Variants in IFNAR2 observed in about 807,000 individuals in gnomAD.
The protein encoded by IFNAR2 is interferon alpha and beta receptor subunit 2.
Under a neutral mutation model 49.4 loss-of-function variants are expected in IFNAR2, and 30 were observed. That is an observed-to-expected ratio of 0.61 (90% CI 0.45 to 0.82). The LOEUF (loss-of-function observed/expected upper bound fraction) is 0.82. Among genes scored for constraint, IFNAR2 ranks in the 40% least tolerant of loss-of-function variants. IFNAR2 has a pLI of 0.00. For synonymous variants in IFNAR2, 224 were observed against 234.5 expected, an observed-to-expected ratio of 0.96 and a Z score of 0.41; for missense variants, 600 against 622.7, an observed-to-expected ratio of 0.96 and a Z score of 0.39.
In IFNAR2 at chr21:33,230,501, G is replaced by T. The variant is rs1002669019; in HGVS notation, c.-84+285G>T. On this transcript the variant is annotated intron_variant, in intron 1 of 8. Coordinates refer to ENST00000342136, the MANE Select transcript of IFNAR2 (RefSeq NM_001289125.3). The surrounding 1 kb of genome is among the most constrained non-coding windows in gnomAD (Gnocchi z 5.5). ...GTCCGCTTTCGTTGCACCCCTCCGC[G>T]TCCCACCCCACCCCACCAAGGATGC... 6.4e-6 allele frequency: 3 copies of T among 469,730 alleles called. No homozygotes were observed. Among genetic ancestry groups the T allele is most frequent in the Non-Finnish European group, 1.3e-5 (3 of 226,572 alleles). 29.1% of individuals were successfully genotyped at this position (469,730 alleles called of 1,614,324 possible). A position where few individuals can be genotyped will look rare whatever the true frequency, so the allele number is the denominator to read the frequency against.
At chr21:33,236,179 C>T (rs1986437239) in intron 1 of IFNAR2, among the ~76,000 whole-genome samples, 1 of 152,096 alleles carries the variant, frequency 6.6e-6, no homozygotes, top group Non-Finnish European at 1.5e-5. Flanking sequence ...CACAGAGCCA[C>T]CCAAGGGAGC....
At chr21:33,243,828 T>G (rs1987182971) in intron 3 of IFNAR2, 114 bp downstream of exon 3, 5 of 820,048 alleles carry the variant, frequency 6.1e-6, no homozygotes, top group Non-Finnish European at 8.5e-6. Flanking sequence ...ATCTGTTGCC[T>G]GTTTTATTGG....
At chr21:33,259,850 C>T (rs1443767659) in intron 7 of IFNAR2, among the ~76,000 whole-genome samples, 1 of 152,126 alleles carries the variant, frequency 6.6e-6, no homozygotes, top group Non-Finnish European at 1.5e-5. Flanking sequence ...CTATTCATTC[C>T]TTAACCTTCT....
chr21:33,231,131 G>A (rs758749050), intron 1 of IFNAR2, among the ~76,000 whole-genome samples: 19 of 152,134 alleles, frequency 1.2e-4, no homozygotes, highest in Non-Finnish European at 4.4e-5. Flanking sequence ...TTTCCCATGT[G>A]TGCTCACTGG....
intron 3 of IFNAR2, among the ~76,000 whole-genome samples, chr21:33,244,634 G>A (rs1052627548): frequency 6.6e-6 from 1 of 152,158 alleles, no homozygotes; most frequent in Non-Finnish European, 1.5e-5. Flanking sequence ...GGCTGGGATG[G>A]CCTGGGTTAT....
In IFNAR2 at chr21:33,230,065, C is replaced by A. The variant is rs1398882550; in HGVS notation, c.-235C>A. The A allele has an allele frequency of 4.1e-6, 4 of 986,778 alleles. No homozygotes were observed. In the African/African-American group the frequency reaches 7.0e-5, roughly 17 times the overall value. 61.1% of individuals were successfully genotyped at this position (986,778 alleles called of 1,614,324 possible). A position where few individuals can be genotyped will look rare whatever the true frequency, so the allele number is the denominator to read the frequency against. On this transcript the variant is annotated 5_prime_UTR_variant, in exon 1 of 9. Transcript: ENST00000342136. This position sits in a 1 kb window ranked among gnomAD's most constrained non-coding sequence, Gnocchi z 5.5. Reference sequence around the variant, plus strand: ...CGCAGCCCGCGGACCACCACCCGGCCGCACGGGCCGCTTTTGTCCCCCGCC... The same window carrying A: ...CGCAGCCCGCGGACCACCACCCGGCAGCACGGGCCGCTTTTGTCCCCCGCC...
At position 33,263,877 on chromosome 21, in the gene IFNAR2, CAG is replaced by C. The variant is rs1168656204; in HGVS notation, c.*380_*381del. On this transcript the variant is annotated 3_prime_UTR_variant, in exon 9 of 9. Coordinates refer to ENST00000342136, the MANE Select transcript of IFNAR2 (RefSeq NM_001289125.3). Reference sequence around the variant, plus strand: ...TTCTTTTTTTTTTTTTTTTTTGAGACAGAGTCTCGTTCTGTCGCCCAAGCTGG... The same window carrying C: ...TTCTTTTTTTTTTTTTTTTTTGAGACAGTCTCGTTCTGTCGCCCAAGCTGG... 1 of 150,166 alleles carries C rather than the reference CAG, an allele frequency of 6.7e-6. No individual in the cohort carries two copies. Among genetic ancestry groups the C allele is most frequent in the East Asian group, 1.9e-4 (1 of 5,342 alleles). 9.3% of individuals were successfully genotyped at this position (150,166 alleles called of 1,614,324 possible).
chr21:33,241,823 C>T lies in IFNAR2; in HGVS notation c.-83-17C>T. ...TCTCTCATTATCTTGTCTTTGCTCC[C>T]ATTTTTATATTTGCAGTTTAATTAG... On this transcript the variant is annotated splice_polypyrimidine_tract_variant and intron_variant, in intron 1 of 8. Coordinates refer to ENST00000342136, the MANE Select transcript of IFNAR2 (RefSeq NM_001289125.3). 6.4e-7 allele frequency: 1 copy of T among 1,557,704 alleles called. No individual in the cohort carries two copies. The highest frequency in any genetic ancestry group is 8.7e-7 in the Non-Finnish European group (1 of 1,149,628).
intron 4 of IFNAR2, among the ~76,000 whole-genome samples, chr21:33,246,401 A>C (rs149306050): frequency 1.5e-4 from 23 of 152,188 alleles, no homozygotes; most frequent in African/African-American, 4.1e-4. Flanking sequence ...CACCTACTAC[A>C]TGCCAGGGGG....
chr21:33,242,549 G>A (rs1215386078), intron 2 of IFNAR2, among the ~76,000 whole-genome samples: 1 of 151,546 alleles, frequency 6.6e-6, no homozygotes, highest in Admixed American at 6.6e-5. Flanking sequence ...TGGCTAACAT[G>A]GTGAAACCCC....
rs45513593 is a variant in IFNAR2, at chr21:33,263,496, G to A, written c.1544G>A (p.Arg515Lys). 5.4e-4 allele frequency: 870 copies of A among 1,604,808 alleles called. 2 individuals are homozygous for A. Among genetic ancestry groups the A allele is most frequent in the Non-Finnish European group, 4.4e-4 (514 of 1,175,516 alleles). Residue 515 changes from arginine (R) to lysine (K), a missense_variant, in exon 9 of 9, where the codon AGA (arginine) becomes AAA (lysine). Transcript: ENST00000342136. The part of the protein sequence containing the change: ...DVDLGDGYIM[R>K] ...GACCTTGGGGATGGTTATATAATGA[G>A]ATGACTCCAAAACTATTGAATGAAC...
chr21:33,260,984 A>G (rs1308060548), intron 8 of IFNAR2, among the ~76,000 whole-genome samples: 1 of 145,822 alleles, frequency 6.9e-6, no homozygotes, highest in African/African-American at 2.6e-5. Context: ...ATATATATAC[A>G]TGTGCAGTTG....
rs752804186 is a variant in IFNAR2, at chr21:33,262,838, T to C, written c.886T>C (p.Leu296=). ...CTGGCCATTTCCTAACCTGCCACCG[T>C]TGGAAGCCATGGATATGGTGGAGGT... ...LAWPFPNLPP[L]EAMDMVEVIY... is the part of the protein sequence containing the mutation. The change falls in exon 9 of 9, where the codon TTG becomes CTG. Residue 296 remains leucine, a synonymous_variant. Transcript: ENST00000342136. 6.2e-7 allele frequency: 1 copy of C among 1,612,174 alleles called. No individual in the cohort carries two copies. The highest frequency in any genetic ancestry group is 1.7e-5 in the Admixed American group (1 of 59,658).
chr21:33,237,366 T>TA (rs568929282), intron 1 of IFNAR2, among the ~76,000 whole-genome samples: 18,937 of 146,376 alleles, frequency 0.13, 1,428 homozygotes, highest in African/African-American at 0.21. Context: ...GCCCCATCTC[T>TA]AAAAAAAAAA....
In IFNAR2 at chr21:33,243,667, T is replaced by C. The variant is rs780343052; in HGVS notation, c.56-6T>C. The C allele has an allele frequency of 6.2e-7, 1 of 1,612,288 alleles. No individual in the cohort carries two copies. The highest frequency in any genetic ancestry group is 2.2e-5 in the East Asian group (1 of 44,862). ...TTGCCTCTCTAATGTGTTTTCTTCCTTCTAGTGTATATCAGCCTCGTGTTT... is the reference window on the plus strand; with the variant it reads ...TTGCCTCTCTAATGTGTTTTCTTCCCTCTAGTGTATATCAGCCTCGTGTTT... On this transcript the variant is annotated splice_region_variant and splice_polypyrimidine_tract_variant and intron_variant, in intron 2 of 8. Coordinates refer to ENST00000342136, the MANE Select transcript of IFNAR2 (RefSeq NM_001289125.3).
chr21:33,237,522 G>C (rs1986573072), intron 1 of IFNAR2, among the ~76,000 whole-genome samples: 1 of 152,184 alleles, frequency 6.6e-6, no homozygotes, highest in Non-Finnish European at 1.5e-5. Context: ...GTGACAGAGT[G>C]AGACCCTGTC....
At chr21:33,251,890 G>A (rs189665160) in intron 6 of IFNAR2, 18 of 380,510 alleles carry the variant, frequency 4.7e-5, no homozygotes, top group African/African-American at 1.8e-4. Context: ...CAAGACCAGC[G>A]TGGCCAACAT....
At chr21:33,255,145 A>G (rs910895004) in intron 7 of IFNAR2, among the ~76,000 whole-genome samples, 3 of 152,234 alleles carry the variant, frequency 2.0e-5, no homozygotes, top group Non-Finnish European at 2.9e-5. Flanking sequence ...AATACAGGCA[A>G]ACTTAAAACT....
intron 2 of IFNAR2, among the ~76,000 whole-genome samples, chr21:33,242,616 C>G (rs1246744320): frequency 6.8e-6 from 1 of 146,908 alleles, no homozygotes; most frequent in Admixed American, 6.9e-5. Context: ...GCCTGTAGTC[C>G]CAGCTACTTG....
Sources: allele counts gnomAD v4.1 joint callset (sites outside exome capture counted in the v4.1 genomes callset), GRCh38; gene constraint gnomAD v4.1.1; non-coding constraint Gnocchi (gnomAD v3.1); transcripts MANE v1.5; gene names NCBI Gene and HGNC (gene_info 2026-07-23, HGNC 2026-07-21).